PDE1C: variants seen among roughly 807,000 people sequenced by gnomAD.
The protein encoded by PDE1C is dual specificity calcium/calmodulin-dependent 3',5'-cyclic nucleotide phosphodiesterase 1C.
Under a neutral mutation model 93.1 loss-of-function variants are expected in PDE1C, and 62 were observed. The observed-to-expected ratio is 0.67, with a 90% confidence interval of 0.54 to 0.82. The LOEUF is 0.82. Ranked by LOEUF, PDE1C falls within the 40% of genes least tolerant of loss-of-function variation. PDE1C has a pLI of 0.00. For synonymous variants in PDE1C, 325 were observed against 310.1 expected (o/e 1.05, Z -0.50); for missense variants, 742 against 884.6 (o/e 0.84, Z 2.04).
At chr7:31,825,129 T>A in intron 12 of PDE1C, 142 bp from the exon 13 acceptor site, 1 of 1,077,054 alleles carries the variant, frequency 9.3e-7, no homozygotes, top group Non-Finnish European at 1.3e-6. Context: ...ATTCCTTGAT[T>A]TGAATATTAC....
At chr7:31,712,689 G>C in the PDE1C span, among the ~76,000 whole-genome samples, 2 of 152,140 alleles carry the variant, frequency 1.3e-5, no homozygotes, top group Admixed American at 6.5e-5. Flanking sequence ...ACCCAAGACT[G>C]GGAAGAAAAA....
intron 1 of PDE1C, among the ~76,000 whole-genome samples, chr7:32,347,609 C>T (rs948029472): frequency 6.6e-6 from 1 of 152,092 alleles, no homozygotes; most frequent in African/African-American, 2.4e-5. Flanking sequence ...GAGGGCCCTC[C>T]CTAAAGTCAG....
intron 1 of PDE1C, among the ~76,000 whole-genome samples, chr7:32,258,858 C>T (rs936354321): frequency 2.0e-5 from 3 of 152,186 alleles, no homozygotes; most frequent in African/African-American, 7.2e-5. Flanking sequence ...TCCAGGCCTG[C>T]AAGACCCAAG....
intron 2 of PDE1C, among the ~76,000 whole-genome samples, chr7:31,929,002 G>A (rs1584022344): frequency 1.3e-5 from 2 of 152,008 alleles, no homozygotes; most frequent in Non-Finnish European, 2.9e-5. Context: ...ATTGGATAAA[G>A]AGTCAAGACC....
intron 9 of PDE1C, among the ~76,000 whole-genome samples, chr7:31,846,461 C>T (rs1792618491): frequency 6.6e-6 from 1 of 151,924 alleles, no homozygotes. Flanking sequence ...CTTCCTTATA[C>T]CTTATACAAA....
At chr7:32,216,603 T>C (rs1033017600) in intron 1 of PDE1C, among the ~76,000 whole-genome samples, 1 of 152,148 alleles carries the variant, frequency 6.6e-6, no homozygotes, top group Non-Finnish European at 1.5e-5. Flanking sequence ...ACTCTGAATA[T>C]CCATTCAGAT....
the PDE1C span, among the ~76,000 whole-genome samples, chr7:31,733,600 C>A: frequency 3.2e-4 from 49 of 152,332 alleles, no homozygotes; most frequent in Admixed American, 8.5e-4. Flanking sequence ...ATTTATATTC[C>A]TGCTGCCTGG....
At chr7:31,993,316 A>C (rs1238541907) in intron 2 of PDE1C, among the ~76,000 whole-genome samples, 2 of 152,190 alleles carry the variant, frequency 1.3e-5, no homozygotes, top group Non-Finnish European at 2.9e-5. Context: ...GTTGGCTTAA[A>C]GATGTTTGGA....
At chr7:31,638,973 C>CA in the PDE1C span, among the ~76,000 whole-genome samples, 10 of 152,090 alleles carry the variant, frequency 6.6e-5, no homozygotes, top group African/African-American at 2.4e-4. Flanking sequence ...CACGGGATTT[C>CA]ACCATGTTGG....
chr7:31,966,982 C>A (rs1810089836), intron 2 of PDE1C, among the ~76,000 whole-genome samples: 2 of 152,004 alleles, frequency 1.3e-5, no homozygotes, highest in African/African-American at 4.8e-5. Context: ...AAATTTATAG[C>A]ACTAAATGCC....
chr7:32,141,920 C>A (rs914081770), intron 3 of PDE1C, among the ~76,000 whole-genome samples: 1 of 152,028 alleles, frequency 6.6e-6, no homozygotes, highest in African/African-American at 2.4e-5. Flanking sequence ...TAAAATTATT[C>A]CCAAATAAAA....
chr7:32,164,934 C>A (rs943141718), intron 3 of PDE1C, among the ~76,000 whole-genome samples: 2 of 152,132 alleles, frequency 1.3e-5, no homozygotes, highest in African/African-American at 4.8e-5. Context: ...TAAGAAAAAC[C>A]TGAGCAGAGC....
intron 1 of PDE1C, among the ~76,000 whole-genome samples, chr7:32,068,465 A>T (rs1214214961): frequency 6.6e-6 from 1 of 152,246 alleles, no homozygotes; most frequent in African/African-American, 2.4e-5. Flanking sequence ...AATAACAAAT[A>T]ATAGCATCTC....
At chr7:31,864,517 T>C (rs1795048833) in intron 7 of PDE1C, among the ~76,000 whole-genome samples, 2 of 152,210 alleles carry the variant, frequency 1.3e-5, no homozygotes, top group Admixed American at 6.5e-5. Flanking sequence ...ATAGTCCCTG[T>C]GAAAAAGACT....
rs1583923258 is a variant in PDE1C at position 31,753,305 on chromosome 7, G to A, written c.*79C>T. The A allele has an allele frequency of 6.6e-7, 1 of 1,525,554 alleles. No homozygotes were observed. Among genetic ancestry groups the A allele is most frequent in the East Asian group, 2.3e-5 (1 of 43,810 alleles). The allele number at this position is 1,525,554 out of a possible 1,614,324, so 94.5% of individuals were successfully genotyped here. On this transcript the variant is annotated 3_prime_UTR_variant, in exon 18 of 18. Coordinates refer to ENST00000396191, the MANE Select transcript of PDE1C (RefSeq NM_001191057.4). ...CCAACAGCCTCCAAGGGTCTTGGAG[G>A]TGTGTCCTGCTGTGGCCAGTGGGTG... is the stretch of plus-strand genomic sequence containing the variant.
the PDE1C span, among the ~76,000 whole-genome samples, chr7:31,723,808 C>T: frequency 6.6e-6 from 1 of 152,192 alleles, no homozygotes; most frequent in Non-Finnish European, 1.5e-5. Context: ...AGTTAATTCT[C>T]GTCTACAGCA....
the PDE1C span, chr7:31,658,469 G>T: frequency 7.8e-7 from 1 of 1,289,990 alleles, no homozygotes; most frequent in Non-Finnish European, 1.0e-6. Context: ...TTTGTAAAGA[G>T]GTTAGAGTAT....
intron 7 of PDE1C, among the ~76,000 whole-genome samples, chr7:31,853,047 A>C (rs778723284): frequency 7.2e-5 from 11 of 151,820 alleles, no homozygotes; most frequent in Non-Finnish European, 1.5e-4. Context: ...CTAGTCACAG[A>C]ACATCAGCCC....
At chr7:32,095,143 A>G (rs915665446) in intron 3 of PDE1C, among the ~76,000 whole-genome samples, 20 of 152,216 alleles carry the variant, frequency 1.3e-4, no homozygotes, top group African/African-American at 4.1e-4. Flanking sequence ...GAAATTTATA[A>G]TAAATGCTTG....
Sources: allele counts gnomAD v4.1 joint callset (sites outside exome capture counted in the v4.1 genomes callset), GRCh38; gene constraint gnomAD v4.1.1; transcripts MANE v1.5; gene names NCBI Gene and HGNC (gene_info 2026-07-23, HGNC 2026-07-21).